Variants in PAPOLA observed in about 807,000 individuals in gnomAD.
PAPOLA encodes polynucleotide adenylyltransferase alpha.
PAPOLA carries 15 observed loss-of-function variants against 100.6 expected under a neutral mutation model. The observed-to-expected ratio is 0.15, with a 90% CI of 0.10 to 0.23. PAPOLA has a LOEUF of 0.23. Among genes scored for constraint, PAPOLA ranks in the 10% least tolerant of loss-of-function variants. The pLI is 1.00. For synonymous variants in PAPOLA, 293 were observed against 300.0 expected (o/e 0.98, Z 0.24); for missense variants, 533 against 884.2 (o/e 0.60, Z 5.04).
chr14:96,523,390 G>A (rs746348472), intron 3 of PAPOLA, among the ~76,000 whole-genome samples: 13 of 152,096 alleles, frequency 8.5e-5, no homozygotes, highest in Admixed American at 2.6e-4. Flanking sequence ...AACATTTCAG[G>A]TGCTCAACAA....
In PAPOLA at chr14:96,521,036, G is replaced by A. The variant is rs757208863; in HGVS notation, c.213G>A (p.Leu71=). The change falls in exon 3 of 22, where the codon CTG becomes CTA. Residue 71 remains leucine (L), a synonymous_variant. Coordinates refer to ENST00000216277, the MANE Select transcript of PAPOLA (RefSeq NM_032632.5). ...RILILGKLNN[L]VKEWIREISE... is the part of the protein sequence containing the mutation. ...TAATTTTGGGAAAACTAAATAACCT[G>A]GTAAAAGAGTGGATACGAGAAATCA... 3.2e-6 allele frequency: 5 copies of A among 1,559,040 alleles called. No individual in the cohort carries two copies.
intron 4 of PAPOLA, among the ~76,000 whole-genome samples, chr14:96,525,657 A>G (rs1898400707): frequency 6.6e-6 from 1 of 152,152 alleles, no homozygotes; most frequent in Non-Finnish European, 1.5e-5. Flanking sequence ...AGGCCGAGGC[A>G]GGTGGATTGC....
At chr14:96,541,642 A>G (rs1448573308) in intron 12 of PAPOLA, among the ~76,000 whole-genome samples, 1 of 152,172 alleles carries the variant, frequency 6.6e-6, no homozygotes, top group Non-Finnish European at 1.5e-5. Context: ...TTGGATAAAA[A>G]TCAGATTTCT....
At position 96,502,555 on chromosome 14, in the gene PAPOLA, G is replaced by T. The variant is rs201180646; in HGVS notation, c.-38G>T. Reference sequence around the variant, plus strand: ...CCAGGGCGGCAGCGGCGGCGGTTGCGGGGGGGAAGTGACTGGGCGGTGCCG... The same window carrying T: ...CCAGGGCGGCAGCGGCGGCGGTTGCTGGGGGGAAGTGACTGGGCGGTGCCG... On this transcript the variant is annotated 5_prime_UTR_variant, in exon 1 of 22. Coordinates refer to ENST00000216277, the MANE Select transcript of PAPOLA (RefSeq NM_032632.5). 27 of 1,503,150 alleles carry T rather than the reference G, an allele frequency of 1.8e-5. No individual in the cohort carries two copies. Among genetic ancestry groups the T allele is most frequent in the South Asian group, 2.5e-5 (2 of 80,404 alleles). The allele number at this position is 1,503,150 out of a possible 1,614,324, so 93.1% of individuals were successfully genotyped here.
chr14:96,560,720 A>C lies in PAPOLA; in HGVS notation c.2067+9A>C. 2 of 1,535,018 alleles carry C rather than the reference A, an allele frequency of 1.3e-6. No individual in the cohort carries two copies. Among genetic ancestry groups the C allele is most frequent in the South Asian group, 1.1e-5 (1 of 88,636 alleles). On this transcript the variant is annotated intron_variant, in intron 20 of 21. Transcript: ENST00000216277. ...ATAAAACAGAAGCAAAGGTATACTAATTTAGCCTTTAGAATACATACACAA... is the reference window on the plus strand; with the variant it reads ...ATAAAACAGAAGCAAAGGTATACTACTTTAGCCTTTAGAATACATACACAA...
In PAPOLA at chr14:96,547,664, A is replaced by G. The variant is rs569529427; in HGVS notation, c.1400-133A>G. The G allele has an allele frequency of 1.0e-5, 6 of 597,006 alleles. No homozygotes were observed. In the South Asian group the frequency reaches 1.0e-4, roughly 10 times the overall value. 37.0% of individuals were successfully genotyped at this position (597,006 alleles called of 1,614,324 possible). A position where few individuals can be genotyped will look rare whatever the true frequency, so the allele number is the denominator to read the frequency against. On this transcript the variant is annotated intron_variant, in intron 15 of 21. Transcript: ENST00000216277. ...CAATGAATTATGTCAGATTAGGAAT[A>G]GGTCTTGACCGATCTACAGATATGC... is the stretch of plus-strand genomic sequence containing the variant.
intron 4 of PAPOLA, chr14:96,527,078 A>G (rs1898555001): frequency 5.0e-6 from 1 of 199,092 alleles, no homozygotes; most frequent in Non-Finnish European, 1.0e-5. Flanking sequence ...ATAGAGGAAA[A>G]CTATTTTTGT....
chr14:96,562,772 C>G (rs1901962680), intron 20 of PAPOLA, 47 bp from the exon 21 acceptor site: 1 of 1,174,278 alleles, frequency 8.5e-7, no homozygotes, highest in South Asian at 1.3e-5. Context: ...TTCTTTTATT[C>G]TTTTTTAAGT....
intron 3 of PAPOLA, among the ~76,000 whole-genome samples, chr14:96,523,904 G>T (rs148777970): frequency 2.0e-5 from 3 of 150,342 alleles, no homozygotes; most frequent in Non-Finnish European, 4.4e-5. Flanking sequence ...GATTGCGCCC[G>T]TTGCACTGCA....
chr14:96,525,285 A>C, intron 3 of PAPOLA, 25 bp from the exon 4 acceptor site: 3 of 1,166,738 alleles, frequency 2.6e-6, no homozygotes, highest in Non-Finnish European at 3.8e-6. Context: ...TCCACTGGCA[A>C]AATAACCATT....
intron 11 of PAPOLA, among the ~76,000 whole-genome samples, chr14:96,536,682 A>G (rs1178513908): frequency 6.6e-6 from 1 of 152,064 alleles, no homozygotes; most frequent in Non-Finnish European, 1.5e-5. Context: ...AGTATATTGG[A>G]AAGTTTTCCT....
intron 7 of PAPOLA, chr14:96,531,988 A>AG: frequency 6.5e-6 from 8 of 1,240,184 alleles, no homozygotes; most frequent in Non-Finnish European, 8.1e-6. Flanking sequence ...GTGCTCTTGA[A>AG]GAGCAGTTCT....
Position 96,525,305 on chromosome 14 carries a change from A to G in PAPOLA, c.250-5A>G. On this transcript the variant is annotated splice_region_variant and splice_polypyrimidine_tract_variant and intron_variant, in intron 3 of 21. Transcript: ENST00000216277. ...TGGCAAAATAACCATTTTTTGTTTCAACAGAATCTTCCACAATCTGTAATT... is the reference window on the plus strand; with the variant it reads ...TGGCAAAATAACCATTTTTTGTTTCGACAGAATCTTCCACAATCTGTAATT... The G allele has an allele frequency of 6.9e-7, 1 of 1,445,290 alleles. No individual in the cohort carries two copies. The allele number at this position is 1,445,290 out of a possible 1,614,324, so 89.5% of individuals were successfully genotyped here. A position where few individuals can be genotyped will look rare whatever the true frequency, so the allele number is the denominator to read the frequency against.
intron 1 of PAPOLA, among the ~76,000 whole-genome samples, chr14:96,506,781 T>A (rs1012037993): frequency 6.6e-6 from 1 of 152,222 alleles, no homozygotes; most frequent in Non-Finnish European, 1.5e-5. Flanking sequence ...TGTGATGTAA[T>A]AAAATCATAT....
At chr14:96,519,185 C>T (rs1373698989) in intron 1 of PAPOLA, among the ~76,000 whole-genome samples, 1 of 151,766 alleles carries the variant, frequency 6.6e-6, no homozygotes, top group African/African-American at 2.4e-5. Flanking sequence ...ACTTCAGCCT[C>T]CTGAAGTGCT....
chr14:96,533,498 A>G (rs1470160909), intron 9 of PAPOLA: 1 of 975,204 alleles, frequency 1.0e-6, no homozygotes, highest in African/African-American at 1.8e-5. Flanking sequence ...TTTGGGATTT[A>G]GTAGCACTTA....
chr14:96,528,193 T>C (rs1324176321), intron 6 of PAPOLA, among the ~76,000 whole-genome samples, 187 bp downstream of exon 6: 1 of 152,210 alleles, frequency 6.6e-6, no homozygotes, highest in Non-Finnish European at 1.5e-5. Context: ...TTTTTAAAAA[T>C]ACCAAGTGAA....
Position 96,542,913 on chromosome 14 carries a change from A to T in PAPOLA, c.1289+20A>T, listed in dbSNP as rs939401406. ...CGACAAGTAAGCCCTTTTCTAATTTAATTTCTTCTTCCCATTTCCAATTTT... is the reference window on the plus strand; with the variant it reads ...CGACAAGTAAGCCCTTTTCTAATTTTATTTCTTCTTCCCATTTCCAATTTT... On this transcript the variant is annotated intron_variant, in intron 14 of 21. Transcript: ENST00000216277. 1.2e-6 allele frequency: 2 copies of T among 1,607,538 alleles called. No individual in the cohort carries two copies. The highest frequency in any genetic ancestry group is 1.7e-6 in the Non-Finnish European group (2 of 1,178,288).
At chr14:96,558,252 G>A (rs1595559369) in intron 19 of PAPOLA, among the ~76,000 whole-genome samples, 1 of 152,130 alleles carries the variant, frequency 6.6e-6, no homozygotes, top group Non-Finnish European at 1.5e-5. Context: ...TAAGAGCCCT[G>A]CTGCCACATG....
Sources: gnomAD v4.1 joint callset for allele counts (sites outside exome capture counted in the v4.1 genomes callset) on GRCh38, gnomAD v4.1.1 for gene constraint, MANE v1.5 for transcripts, NCBI Gene and HGNC (gene_info 2026-07-23, HGNC 2026-07-21) for gene names.